The following C1QTNF7 variants were observed in gnomAD, a reference collection of about 807,000 sequenced individuals.
C1QTNF7 encodes complement C1q tumor necrosis factor-related protein 7.
C1QTNF7 carries 15 observed loss-of-function variants against 19.6 expected under a neutral mutation model. The observed-to-expected ratio is 0.76, with a 90% CI of 0.51 to 1.18. The LOEUF (loss-of-function observed/expected upper bound fraction) is 1.18. C1QTNF7 is among the 50% of genes most tolerant of loss of function. The pLI, the probability that C1QTNF7 is intolerant of heterozygous loss-of-function variation, is 0.00. For synonymous variants in C1QTNF7, 142 were observed against 137.5 expected, an observed-to-expected ratio of 1.03 and a Z score of -0.23; for missense variants, 324 against 359.7, an observed-to-expected ratio of 0.90 and a Z score of 0.80.
intron 1 of C1QTNF7, among the ~76,000 whole-genome samples, chr4:15,376,013 A>T (rs910540795): frequency 6.6e-6 from 1 of 152,194 alleles, no homozygotes; most frequent in South Asian, 2.1e-4. Flanking sequence ...GCAATTTTCT[A>T]TGTAGCCCTT....
chr4:15,432,674 C>T (rs567142031), intron 1 of C1QTNF7, among the ~76,000 whole-genome samples: 1 of 152,278 alleles, frequency 6.6e-6, no homozygotes, highest in African/African-American at 2.4e-5. Context: ...GGAATACAGG[C>T]GTGAGCCATC....
chr4:15,348,287 A>T (rs549179172), intron 1 of C1QTNF7, among the ~76,000 whole-genome samples: 10 of 152,314 alleles, frequency 6.6e-5, no homozygotes, highest in African/African-American at 2.4e-4. Flanking sequence ...TTCAGTGGAG[A>T]TGAAAGTATT....
At chr4:15,439,878 T>TAA (rs1712680843) in intron 2 of C1QTNF7, among the ~76,000 whole-genome samples, 2 of 151,888 alleles carry the variant, frequency 1.3e-5, no homozygotes, top group South Asian at 4.1e-4. Flanking sequence ...TTTATATATA[T>TAA]AACAATGCCT....
rs113422519 is a variant in C1QTNF7 at position 15,350,331 on chromosome 4, G to T, written c.13+10124G>T. ...GGAAGGGAGGGAAGGAAGGAGGAAA[G>T]AAAGGAGGGAGGGAGGGAGGGAGGG... On this transcript the variant is annotated intron_variant, in intron 1 of 2. Coordinates refer to the C1QTNF7 transcript ENST00000295297. 2.7e-3 allele frequency among the ~76,000 whole-genome samples: 40 copies of T among 15,032 alleles called. 1 individual carries two copies. Among genetic ancestry groups the T allele is most frequent in the Non-Finnish European group, 3.8e-3 (28 of 7,388 alleles). 9.9% of individuals were successfully genotyped at this position (15,032 alleles called of 152,430 possible).
chr4:15,351,281 C>G (rs1016873808), intron 1 of C1QTNF7, among the ~76,000 whole-genome samples: 4 of 152,150 alleles, frequency 2.6e-5, no homozygotes, highest in Non-Finnish European at 5.9e-5. Context: ...GTTTTCTCCT[C>G]CTCCATAGCC....
intron 2 of C1QTNF7, among the ~76,000 whole-genome samples, chr4:15,440,446 C>A (rs1197404546): frequency 6.6e-6 from 1 of 150,956 alleles, no homozygotes; most frequent in African/African-American, 2.5e-5. Context: ...CTTGCACTGC[C>A]GCCCGGGCTG....
chr4:15,366,854 T>C lies in C1QTNF7; in HGVS notation c.13+26647T>C, dbSNP rs559119431. 4.7e-4 allele frequency among the ~76,000 whole-genome samples: 71 copies of C among 152,280 alleles called. 1 individual carries two copies. In the South Asian group the frequency reaches 0.012, roughly 25 times the overall value. On this transcript the variant is annotated intron_variant, in intron 1 of 2. Transcript: ENST00000295297. Reference sequence around the variant, plus strand: ...AGACAGGAAGTGCATGTGTGACTCCTGCGGGCTGGCTGAGACAGCAGGGTC... The same window carrying C: ...AGACAGGAAGTGCATGTGTGACTCCCGCGGGCTGGCTGAGACAGCAGGGTC...
At chr4:15,373,971 C>T (rs887535486) in intron 1 of C1QTNF7, 2 of 152,218 alleles carry the variant, frequency 1.3e-5, no homozygotes, top group African/African-American at 4.8e-5. Flanking sequence ...GAGATTACCA[C>T]ATTGTATGAC....
At position 15,442,176 on chromosome 4, in the gene C1QTNF7, G is replaced by T; in HGVS notation, c.247G>T (p.Gly83Cys). The change falls in exon 3 of 3, where the codon GGT becomes TGT. Residue 83 changes from glycine to cysteine, a missense_variant. By Grantham distance (159) the Gly-to-Cys change is radical (BLOSUM62 -3). Transcript: ENST00000444304. The part of the protein sequence containing the change: ...KGEKGTAGLR[G>C]KTGPLGLAGE... ...ATATACTCTTTCTGAAGGTTTGAGA[G>T]GTAAGACTGGACCGCTAGGTCTTGC... 1 of 1,603,902 alleles carries T rather than the reference G, an allele frequency of 6.2e-7. No homozygotes were observed. Among genetic ancestry groups the T allele is most frequent in the Non-Finnish European group, 8.5e-7 (1 of 1,177,084 alleles).
chr4:15,411,921 G>A lies in C1QTNF7; in HGVS notation c.14-23815G>A, dbSNP rs573025735. Among the ~76,000 whole-genome samples, 10 of 152,160 alleles carry A rather than the reference G, an allele frequency of 6.6e-5. No homozygotes were observed. The East Asian group carries it at 1.9e-3, about 29-fold the overall frequency. Reference sequence around the variant, plus strand: ...TACTGGTGCAAGGCCCATTAGGAATGGGGTAGCACAGCAGGAGGTGAGTGG... The same window carrying A: ...TACTGGTGCAAGGCCCATTAGGAATAGGGTAGCACAGCAGGAGGTGAGTGG... On this transcript the variant is annotated intron_variant, in intron 1 of 2. Transcript: ENST00000295297.
At chr4:15,398,374 C>G (rs1048376247) in intron 1 of C1QTNF7, among the ~76,000 whole-genome samples, 2 of 152,150 alleles carry the variant, frequency 1.3e-5, no homozygotes, top group African/African-American at 4.8e-5. Flanking sequence ...ACCACCCCCC[C>G]TCCCTGCCCC....
chr4:15,356,499 T>C (rs1361322012), intron 1 of C1QTNF7, among the ~76,000 whole-genome samples: 1 of 152,226 alleles, frequency 6.6e-6, no homozygotes, highest in African/African-American at 2.4e-5. Flanking sequence ...CAGTCAATCA[T>C]TGATGGGCAT....
intron 1 of C1QTNF7, among the ~76,000 whole-genome samples, chr4:15,372,203 G>A (rs931329195): frequency 6.6e-6 from 1 of 152,166 alleles, no homozygotes; most frequent in African/African-American, 2.4e-5. Flanking sequence ...CAAAATTCAT[G>A]TGTTGAAGCT....
rs1712884865 is a variant in C1QTNF7 at position 15,443,801 on chromosome 4, G to C, written c.*1002G>C. On this transcript the variant is annotated 3_prime_UTR_variant, in exon 3 of 3. Coordinates refer to ENST00000444304, the MANE Select transcript of C1QTNF7 (RefSeq NM_031911.5). ...CCCAAGACAAACATTTGTCCTAATAGCTTTCTCATAAATATGGGCACCACT... is the reference window on the plus strand; with the variant it reads ...CCCAAGACAAACATTTGTCCTAATACCTTTCTCATAAATATGGGCACCACT... 1 of 152,154 alleles carries C rather than the reference G, an allele frequency of 6.6e-6. No individual in the cohort carries two copies. Among genetic ancestry groups the C allele is most frequent in the African/African-American group, 2.4e-5 (1 of 41,428 alleles). 9.4% of individuals were successfully genotyped at this position (152,154 alleles called of 1,614,324 possible). A position where few individuals can be genotyped will look rare whatever the true frequency, so the allele number is the denominator to read the frequency against.
chr4:15,367,061 CT>C (rs1221767570), intron 1 of C1QTNF7, among the ~76,000 whole-genome samples: 1 of 152,144 alleles, frequency 6.6e-6, no homozygotes, highest in Non-Finnish European at 1.5e-5. Context: ...TTTGGAACTT[CT>C]TTCTGCTTTT....
chr4:15,427,457 T>A (rs1712100706), upstream of C1QTNF7, among the ~76,000 whole-genome samples: 1 of 152,210 alleles, frequency 6.6e-6, no homozygotes. Context: ...ATTAGTTTTC[T>A]AAAAATACCC....
chr4:15,356,268 G>A (rs754717538), intron 1 of C1QTNF7, among the ~76,000 whole-genome samples: 43 of 151,972 alleles, frequency 2.8e-4, no homozygotes, highest in Admixed American at 4.6e-4. Context: ...ACCCCCTGAC[G>A]GGCCCAGGTG....
chr4:15,368,489 G>C (rs918135394), intron 1 of C1QTNF7, among the ~76,000 whole-genome samples: 8 of 151,770 alleles, frequency 5.3e-5, no homozygotes, highest in African/African-American at 1.9e-4. Context: ...CCCTCCCTGT[G>C]TCCAAGTGTT....
intron 1 of C1QTNF7, among the ~76,000 whole-genome samples, chr4:15,402,841 G>A (rs1376015332): frequency 3.3e-5 from 5 of 152,102 alleles, no homozygotes; most frequent in African/African-American, 1.2e-4. Context: ...AATAGCATGC[G>A]TAGTATGAAC....
Sources: gnomAD v4.1 joint callset for allele counts (sites outside exome capture counted in the v4.1 genomes callset) on GRCh38, gnomAD v4.1.1 for gene constraint, MANE v1.5 for transcripts, NCBI Gene and HGNC (gene_info 2026-07-23, HGNC 2026-07-21) for gene names.